Variants in PDZRN4 observed in about 807,000 individuals in gnomAD.
The protein encoded by PDZRN4 is PDZ domain-containing RING finger protein 4.
Under a neutral mutation model 99.0 loss-of-function variants are expected in PDZRN4, and 70 were observed. The ratio of observed to expected loss-of-function variants is 0.71; its 90% CI spans 0.58 to 0.86. The LOEUF is 0.86. PDZRN4 is among the 40% of genes least tolerant of loss of function. The probability of loss-of-function intolerance (pLI) is 0.00; values close to 1 mark genes in which losing one functional copy is unlikely to be tolerated. For missense variants in PDZRN4, 1,474 were observed against 1,331.2 expected (o/e 1.11, Z -1.67); for synonymous variants, 551 against 501.6 (o/e 1.10, Z -1.32).
intron 5 of PDZRN4, among the ~76,000 whole-genome samples, chr12:41,549,223 T>G (rs558412941): frequency 1.3e-5 from 2 of 152,256 alleles, no homozygotes; most frequent in Admixed American, 1.3e-4. Context: ...AGCTTCCAAG[T>G]GACAGAGGGA....
Position 41,188,838 on chromosome 12 carries a change from C to CCG in PDZRN4, c.388_389dup (p.Cys133AlafsTer96), listed in dbSNP as rs1046617616. On this transcript the variant is annotated frameshift_variant, in exon 1 of 10. Coordinates refer to ENST00000402685, the MANE Select transcript of PDZRN4 (RefSeq NM_001164595.2). LOFTEE classifies it high-confidence loss of function. Reference sequence around the variant, plus strand: ...TCGGGGCTGGGCGGTGGTGAGGTGCCCGCGCGGGGGGGCTGCGGTCCGACA... The same window carrying CCG: ...TCGGGGCTGGGCGGTGGTGAGGTGCCCGCGCGCGGGGGGGCTGCGGTCCGACA... 7.8e-7 allele frequency: 1 copy of CCG among 1,275,206 alleles called. No individual in the cohort carries two copies. The highest frequency in any genetic ancestry group is 1.6e-5 in the African/African-American group (1 of 63,870). 79.0% of individuals were successfully genotyped at this position (1,275,206 alleles called of 1,614,324 possible).
chr12:41,457,604 G>T (rs534959937), intron 3 of PDZRN4, among the ~76,000 whole-genome samples: 1 of 152,118 alleles, frequency 6.6e-6, no homozygotes, highest in Admixed American at 6.5e-5. Context: ...GAGTCATGTG[G>T]TTATACCTAC....
At chr12:41,263,327 C>T (rs904868689) in intron 3 of PDZRN4, among the ~76,000 whole-genome samples, 2 of 151,364 alleles carry the variant, frequency 1.3e-5, no homozygotes, top group Non-Finnish European at 1.5e-5. Context: ...CCGAGGTGGG[C>T]GGATTGCTTG....
At position 41,535,641 on chromosome 12, in the gene PDZRN4, A is replaced by G. The variant is rs540201532; in HGVS notation, c.1204-17015A>G. On this transcript the variant is annotated intron_variant, in intron 5 of 9. Coordinates refer to ENST00000402685, the MANE Select transcript of PDZRN4 (RefSeq NM_001164595.2). ...GGTGGACCTGATGAGAGGCTATTGG[A>G]CCATGAGGGCTGTGTTCTCACAAAT... Among the ~76,000 whole-genome samples the G allele has an allele frequency of 3.7e-4, 57 of 152,262 alleles. No individual in the cohort carries two copies. In the South Asian group the frequency reaches 0.011, roughly 28 times the overall value.
At chr12:41,258,871 T>C (rs1951219589) in intron 3 of PDZRN4, among the ~76,000 whole-genome samples, 2 of 152,076 alleles carry the variant, frequency 1.3e-5, no homozygotes, top group African/African-American at 4.8e-5. Context: ...CTGATTAATG[T>C]TATGAGTAGT....
chr12:41,310,252 T>G (rs1168419273), intron 3 of PDZRN4, among the ~76,000 whole-genome samples: 2 of 79,040 alleles, frequency 2.5e-5, no homozygotes, highest in African/African-American at 7.6e-5. Flanking sequence ...ACTTTCATTT[T>G]TGTTTGTGTG....
At position 41,188,855 on chromosome 12, in the gene PDZRN4, G is replaced by T. The variant is rs1950713463; in HGVS notation, c.400G>T (p.Gly134Cys). 1.6e-6 allele frequency: 2 copies of T among 1,249,868 alleles called. No homozygotes were observed. The highest frequency in any genetic ancestry group is 3.3e-5 in the East Asian group (1 of 30,184). The allele number at this position is 1,249,868 out of a possible 1,614,324, so 77.4% of individuals were successfully genotyped here. Residue 134 changes from glycine (G) to cysteine (C), a missense_variant, in exon 1 of 10, where the codon GGT becomes TGT. Physicochemically the swap from Gly to Cys is radical, Grantham distance 159. Transcript: ENST00000402685. ...TGAGGTGCCCGCGCGGGGGGGCTGC[G>T]GTCCGACACCCAGGGCTGGCCGGGG... is the stretch of plus-strand genomic sequence containing the variant. ...GGEVPARGGCGPTPRAGRGGG... is the reference protein window; with the variant it reads ...GGEVPARGGCCPTPRAGRGGG...
At chr12:41,271,283 G>C (rs1299944138) in intron 3 of PDZRN4, among the ~76,000 whole-genome samples, 1 of 151,972 alleles carries the variant, frequency 6.6e-6, no homozygotes. Flanking sequence ...TTTATGAATA[G>C]CTGATTCTCA....
At chr12:41,301,612 C>T (rs1032211361) in intron 3 of PDZRN4, among the ~76,000 whole-genome samples, 20 of 152,066 alleles carry the variant, frequency 1.3e-4, no homozygotes, top group African/African-American at 4.8e-4. Flanking sequence ...AATCATACTA[C>T]ATATTATAAC....
intron 3 of PDZRN4, among the ~76,000 whole-genome samples, chr12:41,387,277 A>T (rs79431969): frequency 6.6e-6 from 1 of 152,078 alleles, no homozygotes; most frequent in Non-Finnish European, 1.5e-5. Context: ...CAAGAAACAA[A>T]CAACCCCATT....
intron 3 of PDZRN4, among the ~76,000 whole-genome samples, chr12:41,308,346 C>T (rs551869959): frequency 3.9e-5 from 6 of 152,184 alleles, no homozygotes; most frequent in South Asian, 4.1e-4. Flanking sequence ...TGACTTGTGA[C>T]GTGACATTAA....
intron 3 of PDZRN4, among the ~76,000 whole-genome samples, chr12:41,372,060 T>G (rs1216818389): frequency 6.6e-6 from 1 of 151,850 alleles, no homozygotes; most frequent in African/African-American, 2.4e-5. Context: ...GTATAAATTT[T>G]TATTGATAGT....
chr12:41,241,003 C>T lies in PDZRN4; in HGVS notation c.843+46815C>T, dbSNP rs76719846. Among the ~76,000 whole-genome samples, 1,214 of 152,172 alleles carry T rather than the reference C, an allele frequency of 8.0e-3. 9 individuals are homozygous for T. The highest frequency in any genetic ancestry group is 0.024 in the South Asian group (114 of 4,822). On this transcript the variant is annotated intron_variant, in intron 3 of 9. Coordinates refer to ENST00000402685, the MANE Select transcript of PDZRN4 (RefSeq NM_001164595.2). ...ATTATGAAGTTTTAGAGTGGTAAAA[C>T]TTCAGTATCTATTTTGCTCCTCCCC...
intron 4 of PDZRN4, among the ~76,000 whole-genome samples, chr12:41,506,976 C>A (rs1258429578): frequency 1.3e-5 from 2 of 152,082 alleles, no homozygotes; most frequent in African/African-American, 4.8e-5. Flanking sequence ...CTGATTAGTT[C>A]ATCTTCATAT....
intron 3 of PDZRN4, among the ~76,000 whole-genome samples, chr12:41,309,574 A>G (rs1382587641): frequency 6.6e-6 from 1 of 152,130 alleles, no homozygotes; most frequent in African/African-American, 2.4e-5. Context: ...TGGGAGACAT[A>G]GTCAAGGTAA....
chr12:41,573,364 C>A lies in PDZRN4; in HGVS notation c.2585C>A (p.Ala862Glu), dbSNP rs770484574. 1.2e-6 allele frequency: 2 copies of A among 1,613,256 alleles called. No individual in the cohort carries two copies. Among genetic ancestry groups the A allele is most frequent in the Non-Finnish European group, 1.7e-6 (2 of 1,180,000 alleles). Residue 862 changes from alanine to glutamate, a missense_variant, in exon 10 of 10, where the codon GCA becomes GAA. Coordinates refer to ENST00000402685, the MANE Select transcript of PDZRN4 (RefSeq NM_001164595.2). The stretch of plus-strand genomic sequence containing the variant: ...ATGCAGTTAATTCAACAGAAATCTG[C>A]AGTCGAGTATGCTCAGAGTCAGCTC... ...SYMQLIQQKS[A>E]VEYAQSQLSL...
chr12:41,371,345 A>G (rs1952039765), intron 3 of PDZRN4, among the ~76,000 whole-genome samples: 1 of 151,912 alleles, frequency 6.6e-6, no homozygotes. Context: ...GAAATTTTAC[A>G]TTATTGTTTC....
intron 3 of PDZRN4, among the ~76,000 whole-genome samples, chr12:41,496,011 T>C (rs1409958360): frequency 6.6e-6 from 1 of 152,124 alleles, no homozygotes; most frequent in Non-Finnish European, 1.5e-5. Flanking sequence ...GTTACAATTA[T>C]AGATATATAT....
chr12:41,369,559 A>C (rs901828122), intron 3 of PDZRN4, among the ~76,000 whole-genome samples: 1 of 151,966 alleles, frequency 6.6e-6, no homozygotes, highest in Admixed American at 6.6e-5. Flanking sequence ...TCCTTATGAC[A>C]TTAAGTCTTT....
Sources: allele counts gnomAD v4.1 joint callset (sites outside exome capture counted in the v4.1 genomes callset), GRCh38; gene constraint gnomAD v4.1.1; transcripts MANE v1.5; gene names NCBI Gene and HGNC (gene_info 2026-07-23, HGNC 2026-07-21).